Variants in PTPN14 observed in about 807,000 individuals in gnomAD.
PTPN14 encodes tyrosine-protein phosphatase non-receptor type 14.
In PTPN14, 53 loss-of-function variants were observed where a neutral mutation model predicts 126.8. That is an observed-to-expected ratio of 0.42 (90% CI 0.34 to 0.53). The LOEUF (loss-of-function observed/expected upper bound fraction) is 0.53. Ranked by LOEUF, PTPN14 falls within the 20% of genes least tolerant of loss-of-function variation. The probability of loss-of-function intolerance (pLI) is 0.08; values close to 1 mark genes in which losing one functional copy is unlikely to be tolerated. For missense variants in PTPN14, 1,257 were observed against 1,552.9 expected (o/e 0.81, Z 3.20); for synonymous variants, 630 against 599.3 (o/e 1.05, Z -0.75).
chr1:214,405,584 CTCTG>C (rs775540734), intron 5 of PTPN14, among the ~76,000 whole-genome samples: 4 of 151,196 alleles, frequency 2.6e-5, no homozygotes, highest in Non-Finnish European at 4.4e-5. Flanking sequence ...TCTGCCTGCA[CTCTG>C]TCTGCTCACA....
chr1:214,484,434 G>C (rs770033863), intron 1 of PTPN14, among the ~76,000 whole-genome samples: 9 of 152,086 alleles, frequency 5.9e-5, no homozygotes, highest in Non-Finnish European at 1.0e-4. Flanking sequence ...AAATAAACAT[G>C]AATTTGGAAT....
At chr1:214,426,312 A>T (rs551991365) in intron 3 of PTPN14, among the ~76,000 whole-genome samples, 160 of 152,276 alleles carry the variant, frequency 1.1e-3, no homozygotes, top group Non-Finnish European at 2.0e-3. Flanking sequence ...ATTTTCAAGC[A>T]TGGAAATGTC....
chr1:214,511,812 G>A (rs919848331), intron 1 of PTPN14, among the ~76,000 whole-genome samples: 2 of 152,164 alleles, frequency 1.3e-5, no homozygotes, highest in Non-Finnish European at 2.9e-5. Context: ...ACAACTTGTG[G>A]TCTATACATA....
chr1:214,498,344 G>T (rs1220363507), intron 1 of PTPN14, among the ~76,000 whole-genome samples: 2 of 152,122 alleles, frequency 1.3e-5, no homozygotes, highest in African/African-American at 4.8e-5. Context: ...GCTATCCCAG[G>T]TCAATAAGAG....
intron 3 of PTPN14, among the ~76,000 whole-genome samples, chr1:214,438,675 T>C (rs1009117040): frequency 3.3e-5 from 5 of 152,168 alleles, no homozygotes; most frequent in South Asian, 2.1e-4. Context: ...CACAGTGGCA[T>C]TGTAATGTCT....
chr1:214,540,909 T>A (rs1463612768), intron 1 of PTPN14, among the ~76,000 whole-genome samples: 2 of 152,126 alleles, frequency 1.3e-5, no homozygotes, highest in Non-Finnish European at 2.9e-5. Flanking sequence ...GTTTTGAAGT[T>A]TTTTTGGACA....
chr1:214,449,502 C>A (rs1660224467), intron 3 of PTPN14, among the ~76,000 whole-genome samples: 1 of 152,162 alleles, frequency 6.6e-6, no homozygotes, highest in Non-Finnish European at 1.5e-5. Flanking sequence ...ATGTTTCACC[C>A]TCATCACTCA....
intron 1 of PTPN14, among the ~76,000 whole-genome samples, chr1:214,492,055 T>G (rs1428767421): frequency 6.6e-6 from 1 of 152,182 alleles, no homozygotes; most frequent in Non-Finnish European, 1.5e-5. Flanking sequence ...GAGGATTTTC[T>G]TTTTCTACTC....
chr1:214,379,383 C>T (rs921911816), intron 13 of PTPN14, among the ~76,000 whole-genome samples: 6 of 152,188 alleles, frequency 3.9e-5, no homozygotes, highest in Middle Eastern at 3.2e-3. Context: ...GACTGCATGA[C>T]GCCCTTCCAT....
At chr1:214,423,223 G>A (rs1209513796) in intron 3 of PTPN14, among the ~76,000 whole-genome samples, 2 of 152,168 alleles carry the variant, frequency 1.3e-5, no homozygotes, top group East Asian at 3.8e-4. Flanking sequence ...CTACTCAGGA[G>A]GTGGAGGTGG....
intron 1 of PTPN14, among the ~76,000 whole-genome samples, chr1:214,504,589 T>C (rs913161207): frequency 5.3e-5 from 8 of 152,150 alleles, no homozygotes; most frequent in East Asian, 1.9e-4. Context: ...CATCTCTGAA[T>C]GACAAGAGTA....
chr1:214,535,263 A>T (rs913812554), intron 1 of PTPN14, among the ~76,000 whole-genome samples: 1 of 152,190 alleles, frequency 6.6e-6, no homozygotes, highest in African/African-American at 2.4e-5. Context: ...TATATTTTTC[A>T]ACAATTCTGT....
At chr1:214,515,789 G>C (rs1189897085) in intron 1 of PTPN14, among the ~76,000 whole-genome samples, 1 of 149,290 alleles carries the variant, frequency 6.7e-6, no homozygotes, top group Non-Finnish European at 1.5e-5. Context: ...CAAATGTGAA[G>C]AAAAGAAAAA....
At position 214,348,948 on chromosome 1, in the gene PTPN14, C is replaced by T. The variant is rs1178409294; in HGVS notation, c.*8974G>A. 6.6e-6 allele frequency: 1 copy of T among 152,120 alleles called. No individual in the cohort carries two copies. The highest frequency in any genetic ancestry group is 2.4e-5 in the African/African-American group (1 of 41,410). The allele number at this position is 152,120 out of a possible 1,614,324, so 9.4% of individuals were successfully genotyped here. On this transcript the variant is annotated 3_prime_UTR_variant, in exon 19 of 19. Coordinates refer to ENST00000366956, the MANE Select transcript of PTPN14 (RefSeq NM_005401.5). ...CATAACTGTGTATACAACTGGCAAG[C>T]ATAAGCTTATTTACTGATATAAAAT...
intron 1 of PTPN14, among the ~76,000 whole-genome samples, chr1:214,467,204 G>A (rs1660660048): frequency 6.6e-6 from 1 of 152,144 alleles, no homozygotes; most frequent in African/African-American, 2.4e-5. Context: ...AACAGTGGGG[G>A]GAAGCCAAAA....
chr1:214,401,662 C>T (rs1370127825), intron 7 of PTPN14, 23 bp downstream of exon 7: 1 of 1,511,188 alleles, frequency 6.6e-7, no homozygotes, highest in Non-Finnish European at 9.1e-7. Flanking sequence ...AGGTTAAAGC[C>T]AGCACAGGGC....
chr1:214,487,917 G>A (rs1661151421), intron 1 of PTPN14, among the ~76,000 whole-genome samples: 1 of 152,186 alleles, frequency 6.6e-6, no homozygotes, highest in Non-Finnish European at 1.5e-5. Context: ...AGCATTACAG[G>A]ATCGCTTTCC....
intron 5 of PTPN14, among the ~76,000 whole-genome samples, chr1:214,408,236 G>T (rs1440174380): frequency 5.3e-5 from 8 of 152,126 alleles, no homozygotes; most frequent in African/African-American, 1.7e-4. Context: ...TTCATCCCCT[G>T]GGTGTTAGTC....
At chr1:214,503,630 A>G (rs1414688088) in intron 1 of PTPN14, among the ~76,000 whole-genome samples, 2 of 152,258 alleles carry the variant, frequency 1.3e-5, no homozygotes, top group Non-Finnish European at 2.9e-5. Flanking sequence ...CAGCACTGTC[A>G]TATGTGGTCT....
Sources: allele counts gnomAD v4.1 joint callset (sites outside exome capture counted in the v4.1 genomes callset), GRCh38; gene constraint gnomAD v4.1.1; transcripts MANE v1.5; gene names NCBI Gene and HGNC (gene_info 2026-07-23, HGNC 2026-07-21).